The following TNFRSF10C variants were observed in gnomAD, a reference collection of about 807,000 sequenced individuals.
The protein encoded by TNFRSF10C is tumor necrosis factor receptor superfamily member 10C.
A neutral mutation model predicts 16.7 loss-of-function variants in TNFRSF10C; 17 were observed. The observed-to-expected ratio is 1.02, with a 90% CI of 0.70 to 1.53. The LOEUF is 1.53. Among genes scored for constraint, TNFRSF10C ranks in the 40% most tolerant of loss-of-function variants. The probability of loss-of-function intolerance (pLI) is 0.00; values close to 1 mark genes in which losing one functional copy is unlikely to be tolerated. For missense variants in TNFRSF10C, 237 were observed against 329.7 expected, an observed-to-expected ratio of 0.72 and a Z score of 2.18; for synonymous variants, 73 against 119.7, an observed-to-expected ratio of 0.61 and a Z score of 2.55.
rs1257384783 is a variant in TNFRSF10C at position 23,114,580 on chromosome 8, A to G, written c.167-77A>G. On this transcript the variant is annotated intron_variant, in intron 2 of 4. Transcript: ENST00000356864. ...TGTCTCAATTCCAGTGAGGGCCAAA[A>G]AAGAAGTTTCCCCACCACTGTCAGC... The G allele has an allele frequency of 4.0e-6, 5 of 1,236,338 alleles. No individual in the cohort carries two copies. The Admixed American group carries it at 7.1e-5, about 18-fold the overall frequency. 76.6% of individuals were successfully genotyped at this position (1,236,338 alleles called of 1,614,324 possible). A position where few individuals can be genotyped will look rare whatever the true frequency, so the allele number is the denominator to read the frequency against.
chr8:23,115,694 C>CATAGGGTCAGCGGAGAAATAG, intron 4 of TNFRSF10C, 78 bp downstream of exon 4: 1 of 1,220,856 alleles, frequency 8.2e-7, no homozygotes, highest in Non-Finnish European at 1.2e-6. Context: ...CCTATTTCTC[C>CATAGGGTCAGCGGAGAAATAG]GCTGACCCTA....
chr8:23,111,194 GTTTTTC>G (rs1813871168), intron 1 of TNFRSF10C, among the ~76,000 whole-genome samples: 1 of 151,520 alleles, frequency 6.6e-6, no homozygotes, highest in Admixed American at 6.6e-5. Context: ...ATACATAAGT[GTTTTTC>G]TTTTTCTTTT....
At chr8:23,104,618 C>T (rs1007873483) in intron 1 of TNFRSF10C, among the ~76,000 whole-genome samples, 11 of 152,188 alleles carry the variant, frequency 7.2e-5, no homozygotes, top group African/African-American at 2.7e-4. Flanking sequence ...TAAATGTTCA[C>T]GAATTTTCCT....
In TNFRSF10C at chr8:23,116,715, C is replaced by T; in HGVS notation, c.464C>T (p.Ala155Val). The change falls in exon 5 of 5, where the codon GCC becomes GTC. Residue 155 changes from alanine (A) to valine (V), a missense_variant. This residue lies in a region of TNFRSF10C where 212 missense variants were observed against 196.8 expected (regional missense o/e 1.08). Transcript: ENST00000356864. Reference protein sequence around the residue: ...DDIQCVEEFGANATVETPAAE... With the variant: ...DDIQCVEEFGVNATVETPAAE... ...ATCCAGTGTGTTGAAGAATTTGGTGCCAATGCCACTGTGGAAACCCCAGCT... is the reference window on the plus strand; with the variant it reads ...ATCCAGTGTGTTGAAGAATTTGGTGTCAATGCCACTGTGGAAACCCCAGCT... 2.5e-6 allele frequency: 4 copies of T among 1,614,150 alleles called. No homozygotes were observed. Among genetic ancestry groups the T allele is most frequent in the Non-Finnish European group, 3.4e-6 (4 of 1,180,034 alleles).
At chr8:23,115,737 C>T (rs934684207) in intron 4 of TNFRSF10C, 121 bp downstream of exon 4, 5 of 705,640 alleles carry the variant, frequency 7.1e-6, no homozygotes, top group Non-Finnish European at 1.1e-5. Context: ...TGTCCCTGAG[C>T]CTGTGGGGTC....
chr8:23,103,367 G>A (rs960372281), intron 1 of TNFRSF10C, 186 bp downstream of exon 1: 9 of 1,051,916 alleles, frequency 8.6e-6, no homozygotes, highest in Admixed American at 6.5e-5. Context: ...GAGGGACCCG[G>A]CCGCGAGGGA....
rs768607487 is a variant in TNFRSF10C at position 23,114,712 on chromosome 8, T to C, written c.222T>C (p.Asp74=). The C allele has an allele frequency of 6.2e-7, 1 of 1,614,080 alleles. No homozygotes were observed. The highest frequency in any genetic ancestry group is 1.1e-5 in the South Asian group (1 of 91,084). The change falls in exon 3 of 5, where the codon GAT becomes GAC. Residue 74 remains aspartate, a synonymous_variant. Transcript: ENST00000356864. ...GACNPCTEGV[D]YTNASNNEPS... ...GTAACCCGTGCACAGAGGGTGTGGA[T>C]TACACCAACGCTTCCAACAATGAAC...
rs567337146 is a variant in TNFRSF10C at position 23,103,245 on chromosome 8, G to A, written c.60+64G>A. Reference sequence around the variant, plus strand: ...ACCTGGCGCCGGGAGGGGGCAGGGAGACGGGGACACGGCAGGGATGCCTGG... The same window carrying A: ...ACCTGGCGCCGGGAGGGGGCAGGGAAACGGGGACACGGCAGGGATGCCTGG... On this transcript the variant is annotated intron_variant, in intron 1 of 4. Transcript: ENST00000356864. 596 of 1,576,836 alleles carry A rather than the reference G, an allele frequency of 3.8e-4. No individual in the cohort carries two copies. In the African/African-American group the frequency reaches 7.2e-3, roughly 19 times the overall value.
At chr8:23,114,266 A>G (rs549472786) in intron 2 of TNFRSF10C, among the ~76,000 whole-genome samples, 1 of 152,314 alleles carries the variant, frequency 6.6e-6, no homozygotes, top group African/African-American at 2.4e-5. Flanking sequence ...TCACATGTAC[A>G]GTAGGTTGGA....
chr8:23,108,521 T>C (rs1026489921), intron 1 of TNFRSF10C, among the ~76,000 whole-genome samples: 8 of 152,220 alleles, frequency 5.3e-5, no homozygotes, highest in African/African-American at 1.9e-4. Flanking sequence ...CCTAACTAGC[T>C]GCCTACTGTG....
rs1450718367 is a variant in TNFRSF10C at position 23,115,586 on chromosome 8, A to G, written c.359A>G (p.Asn120Ser). ...AAAGAAGGCACCTTCCGGAATGAAA[A>G]CTCCCCAGAGATGTGCCGGAAGTGT... ...QCKEGTFRNE[N>S]SPEMCRKCSR... The change falls in exon 4 of 5, where the codon AAC becomes AGC. Residue 120 changes from asparagine (N) to serine (S), a missense_variant. Physicochemically the swap from Asn to Ser is conservative, Grantham distance 46. This residue lies in a region of TNFRSF10C where 212 missense variants were observed against 196.8 expected (regional missense o/e 1.08). Coordinates refer to ENST00000356864, the MANE Select transcript of TNFRSF10C (RefSeq NM_003841.5). The G allele has an allele frequency of 1.2e-6, 2 of 1,612,098 alleles. No individual in the cohort carries two copies. Among genetic ancestry groups the G allele is most frequent in the Non-Finnish European group, 1.7e-6 (2 of 1,179,200 alleles).
Position 23,117,386 on chromosome 8 carries a change from G to A in TNFRSF10C, c.*355G>A. 2.6e-6 allele frequency: 1 copy of A among 391,972 alleles called. No homozygotes were observed. The highest frequency in any genetic ancestry group is 4.9e-5 in the East Asian group (1 of 20,402). 24.3% of individuals were successfully genotyped at this position (391,972 alleles called of 1,614,324 possible). A position where few individuals can be genotyped will look rare whatever the true frequency, so the allele number is the denominator to read the frequency against. Reference sequence around the variant, plus strand: ...GTCGGCTCCTCAACTGGGTGACAAGGGTGAGGATGAGAAGTGGTCACGGGA... The same window carrying A: ...GTCGGCTCCTCAACTGGGTGACAAGAGTGAGGATGAGAAGTGGTCACGGGA... On this transcript the variant is annotated 3_prime_UTR_variant, in exon 5 of 5. Coordinates refer to ENST00000356864, the MANE Select transcript of TNFRSF10C (RefSeq NM_003841.5).
At chr8:23,116,568 G>C in intron 4 of TNFRSF10C, 73 bp from the exon 5 acceptor site, 1 of 1,546,900 alleles carries the variant, frequency 6.5e-7, no homozygotes, top group Non-Finnish European at 8.7e-7. Flanking sequence ...GGAGAGGGAG[G>C]GTGGCTCCCC....
chr8:23,106,029 G>A (rs1344651362), intron 1 of TNFRSF10C, among the ~76,000 whole-genome samples: 2 of 152,192 alleles, frequency 1.3e-5, no homozygotes, highest in Non-Finnish European at 2.9e-5. Context: ...TCGGCCTTGA[G>A]CTGAGGCCAC....
At chr8:23,109,308 T>C (rs1410127928) in intron 1 of TNFRSF10C, among the ~76,000 whole-genome samples, 6 of 152,132 alleles carry the variant, frequency 3.9e-5, no homozygotes, top group Non-Finnish European at 5.9e-5. Context: ...ATTATGTGAA[T>C]TGTGTCTCAC....
chr8:23,114,368 G>C (rs1157625831), intron 2 of TNFRSF10C: 6 of 302,444 alleles, frequency 2.0e-5, no homozygotes, highest in Non-Finnish European at 3.8e-5. Context: ...AGATATTTTA[G>C]GTTAAAACTA....
At chr8:23,114,489 C>T (rs977172062) in intron 2 of TNFRSF10C, 168 bp from the exon 3 acceptor site, 3 of 474,464 alleles carry the variant, frequency 6.3e-6, no homozygotes, top group Non-Finnish European at 1.2e-5. Flanking sequence ...GTCAGCAGTG[C>T]CAGTCAAAGG....
At chr8:23,114,513 C>T in intron 2 of TNFRSF10C, 144 bp from the exon 3 acceptor site, 1 of 624,278 alleles carries the variant, frequency 1.6e-6, no homozygotes, top group East Asian at 2.8e-5. Flanking sequence ...GTAATAGATG[C>T]TGAATGGATG....
intron 1 of TNFRSF10C, among the ~76,000 whole-genome samples, chr8:23,104,294 C>A (rs1813730626): frequency 1.3e-5 from 2 of 152,238 alleles, no homozygotes; most frequent in African/African-American, 4.8e-5. Context: ...AATGTACAAT[C>A]ACTTTGTTAA....
Sources: gnomAD v4.1 joint callset for allele counts (sites outside exome capture counted in the v4.1 genomes callset) on GRCh38, gnomAD v4.1.1 for gene constraint, gnomAD v4.1.1 regional missense constraint, MANE v1.5 for transcripts, NCBI Gene and HGNC (gene_info 2026-07-23, HGNC 2026-07-21) for gene names.